The following TEX52 variants were observed in gnomAD, a reference collection of about 807,000 sequenced individuals.
TEX52 encodes the protein testis-expressed protein 52.
A neutral mutation model predicts 17.6 loss-of-function variants in TEX52; 22 were observed. That is an observed-to-expected ratio of 1.25 (90% CI 0.89 to 1.78). TEX52 has a LOEUF of 1.78. Among genes scored for constraint, TEX52 ranks in the 40% most tolerant of loss-of-function variants. The pLI, the probability that TEX52 is intolerant of heterozygous loss-of-function variation, is 0.00. For synonymous variants in TEX52, 168 were observed against 147.4 expected (o/e 1.14, Z -1.01); for missense variants, 396 against 372.3 (o/e 1.06, Z -0.52).
At chr12:2,850,253 A>G (rs1249171798) in intron 2 of TEX52, among the ~76,000 whole-genome samples, 1 of 152,052 alleles carries the variant, frequency 6.6e-6, no homozygotes, top group African/African-American at 2.4e-5. Flanking sequence ...AGGCGGGTGG[A>G]TCACAAGGTC....
In TEX52 at chr12:2,849,315, A is replaced by G; in HGVS notation, c.834T>C (p.Thr278=). The G allele has an allele frequency of 5.2e-6, 8 of 1,536,116 alleles. No individual in the cohort carries two copies. The highest frequency in any genetic ancestry group is 7.0e-6 in the Non-Finnish European group (8 of 1,146,912). Residue 278 remains threonine, a synonymous_variant, in exon 3 of 3, where the codon ACT becomes ACC. Coordinates refer to ENST00000637658, the MANE Select transcript of TEX52 (RefSeq NM_001365174.2). ...TGGAGAGATGGTGGAGGGGTAAGGC[A>G]GTTCTGTCCTTTATCAGGGTTTGGA... The part of the protein sequence containing the change: ...RDFQTLIKDR[T]ALPLHHLSKA...
At chr12:2,852,086 G>A (rs530220856) in intron 2 of TEX52, among the ~76,000 whole-genome samples, 8 of 152,110 alleles carry the variant, frequency 5.3e-5, no homozygotes, top group Admixed American at 6.6e-5. Context: ...TTATGGGACC[G>A]CTGTGGTATA....
Position 2,849,535 on chromosome 12 carries a change from G to A in TEX52, c.624-10C>T. The A allele has an allele frequency of 6.5e-7, 1 of 1,536,010 alleles. No individual in the cohort carries two copies. The highest frequency in any genetic ancestry group is 8.7e-7 in the Non-Finnish European group (1 of 1,146,832). On this transcript the variant is annotated splice_polypyrimidine_tract_variant and intron_variant, in intron 2 of 2. Coordinates refer to ENST00000637658, the MANE Select transcript of TEX52 (RefSeq NM_001365174.2). ...GGATATGTGCCGGTACCTGTTGGGA[G>A]AAGGGTATGGAGAGAACAGAGAGAT...
intron 2 of TEX52, among the ~76,000 whole-genome samples, chr12:2,851,112 G>A (rs1328815651): frequency 2.0e-5 from 3 of 150,066 alleles, no homozygotes; most frequent in South Asian, 4.2e-4. Flanking sequence ...GAGCAGTGCC[G>A]AGATCATACC....
chr12:2,853,420 CTG>C (rs2098077260), intron 2 of TEX52, among the ~76,000 whole-genome samples: 2 of 152,012 alleles, frequency 1.3e-5, no homozygotes, highest in Non-Finnish European at 2.9e-5. Flanking sequence ...TTACAGGCGC[CTG>C]CCACCACGCC....
At chr12:2,856,411 C>T (rs1200430759) in intron 1 of TEX52, among the ~76,000 whole-genome samples, 1 of 152,200 alleles carries the variant, frequency 6.6e-6, no homozygotes, top group African/African-American at 2.4e-5. Context: ...GTTACCCAGG[C>T]TGGAGGTGCA....
chr12:2,854,481 C>T (rs2098081021), intron 2 of TEX52, among the ~76,000 whole-genome samples: 1 of 152,232 alleles, frequency 6.6e-6, no homozygotes, highest in Non-Finnish European at 1.5e-5. Context: ...TGGAACTGTA[C>T]TCCAGGCCTT....
At chr12:2,850,360 G>C (rs2098066053) in intron 2 of TEX52, among the ~76,000 whole-genome samples, 1 of 151,576 alleles carries the variant, frequency 6.6e-6, no homozygotes, top group African/African-American at 2.4e-5. Flanking sequence ...TGTAGTCCCA[G>C]CTACTCGGGA....
chr12:2,853,608 T>G (rs1307981900), intron 2 of TEX52, among the ~76,000 whole-genome samples: 2 of 143,400 alleles, frequency 1.4e-5, no homozygotes, highest in African/African-American at 5.3e-5. Context: ...TTTGTTTTTG[T>G]TTTTGTTTTT....
intron 2 of TEX52, among the ~76,000 whole-genome samples, chr12:2,851,639 G>A (rs1212583979): frequency 2.6e-5 from 4 of 151,926 alleles, no homozygotes; most frequent in Non-Finnish European, 5.9e-5. Flanking sequence ...CACCACGCCC[G>A]GCCGCTAAAT....
chr12:2,855,278 G>A lies in TEX52; in HGVS notation c.241C>T (p.Leu81Phe), dbSNP rs1354630611. 49 of 1,517,862 alleles carry A rather than the reference G, an allele frequency of 3.2e-5. No individual in the cohort carries two copies. The highest frequency in any genetic ancestry group is 4.2e-5 in the Non-Finnish European group (48 of 1,133,370). The allele number at this position is 1,517,862 out of a possible 1,614,324, so 94.0% of individuals were successfully genotyped here. ...TDMKSKVRQR[L>F]IHPWKGGAQH... is the part of the protein sequence containing the mutation. ...GCGCCACCCTTCCAAGGGTGGATGAGCCGCTGACGCACCTTGGACTTCATA... is the reference window on the plus strand; with the variant it reads ...GCGCCACCCTTCCAAGGGTGGATGAACCGCTGACGCACCTTGGACTTCATA... Residue 81 changes from leucine (L) to phenylalanine (F), a missense_variant, in exon 2 of 3, where the codon CTC becomes TTC. Transcript: ENST00000637658.
chr12:2,851,451 T>G (rs540314211), intron 2 of TEX52, among the ~76,000 whole-genome samples: 76 of 152,208 alleles, frequency 5.0e-4, no homozygotes, highest in African/African-American at 1.7e-3. Context: ...CAAGCGATTC[T>G]CCTGCCTCAG....
Position 2,855,031 on chromosome 12 carries a change from ATGT to A in TEX52, c.485_487del (p.Asp162_Met163delinsVal). The A allele has an allele frequency of 1.3e-6, 2 of 1,535,998 alleles. No homozygotes were observed. The highest frequency in any genetic ancestry group is 3.9e-5 in the Admixed American group (2 of 51,002). On this transcript the variant is annotated inframe_deletion, in exon 2 of 3. Transcript: ENST00000637658. ...GAAAATCACCTGCTTCTTCCTTTTC[ATGT>A]CCACAAACGTGGGATAACAGTGGAT... is the stretch of plus-strand genomic sequence containing the variant.
Position 2,849,051 on chromosome 12 carries a change from G to C in TEX52, c.*180C>G, listed in dbSNP as rs2098061566. On this transcript the variant is annotated 3_prime_UTR_variant, in exon 3 of 3. Coordinates refer to ENST00000637658, the MANE Select transcript of TEX52 (RefSeq NM_001365174.2). ...AGAAATATAACAATTTAGAATTTCA[G>C]TTGAATCTCCAATAGCCTGGGGTAC... 1 of 635,350 alleles carries C rather than the reference G, an allele frequency of 1.6e-6. No individual in the cohort carries two copies. Among genetic ancestry groups the C allele is most frequent in the African/African-American group, 1.8e-5 (1 of 54,110 alleles). 39.4% of individuals were successfully genotyped at this position (635,350 alleles called of 1,614,324 possible). A position where few individuals can be genotyped will look rare whatever the true frequency, so the allele number is the denominator to read the frequency against.
chr12:2,857,030 T>G lies in TEX52; in HGVS notation c.-4A>C. 1.4e-6 allele frequency: 1 copy of G among 702,956 alleles called. No homozygotes were observed. Among genetic ancestry groups the G allele is most frequent in the Non-Finnish European group, 2.6e-6 (1 of 384,960 alleles). The allele number at this position is 702,956 out of a possible 1,614,324, so 43.5% of individuals were successfully genotyped here. A position where few individuals can be genotyped will look rare whatever the true frequency, so the allele number is the denominator to read the frequency against. On this transcript the variant is annotated 5_prime_UTR_variant, in exon 1 of 3. Transcript: ENST00000637658. ...ATCTTTGCCGGTTACTGGCCATTCTTCTGGGCCTCAGAGCCAGGAGGGGCG... is the reference window on the plus strand; with the variant it reads ...ATCTTTGCCGGTTACTGGCCATTCTGCTGGGCCTCAGAGCCAGGAGGGGCG...
At chr12:2,850,466 A>G in intron 2 of TEX52, among the ~76,000 whole-genome samples, 1 of 120,048 alleles carries the variant, frequency 8.3e-6, no homozygotes, top group East Asian at 2.4e-4. Context: ...CAAGAGCAAG[A>G]CTCTGTCTCA....
At chr12:2,853,610 T>G (rs2098078263) in intron 2 of TEX52, among the ~76,000 whole-genome samples, 2 of 146,018 alleles carry the variant, frequency 1.4e-5, no homozygotes, top group Non-Finnish European at 1.5e-5. Context: ...TGTTTTTGTT[T>G]TTGTTTTTTT....
intron 1 of TEX52, among the ~76,000 whole-genome samples, chr12:2,856,361 C>G (rs1451004554): frequency 6.6e-6 from 1 of 152,108 alleles, no homozygotes; most frequent in Non-Finnish European, 1.5e-5. Flanking sequence ...CCTATCCATC[C>G]CCAGGGATGT....
At position 2,849,453 on chromosome 12, in the gene TEX52, A is replaced by G. The variant is rs2098063145; in HGVS notation, c.696T>C (p.Asn232=). The G allele has an allele frequency of 6.5e-7, 1 of 1,536,124 alleles. No homozygotes were observed. Among genetic ancestry groups the G allele is most frequent in the East Asian group, 2.4e-5 (1 of 40,912 alleles). The change falls in exon 3 of 3, where the codon AAT becomes AAC. Residue 232 remains asparagine, a synonymous_variant. Coordinates refer to ENST00000637658, the MANE Select transcript of TEX52 (RefSeq NM_001365174.2). Reference sequence around the variant, plus strand: ...GGCAGGGCCAGCTCCTGGCGAAATTATTGGGAAACGGGTTGGGCATGAGCT... The same window carrying G: ...GGCAGGGCCAGCTCCTGGCGAAATTGTTGGGAAACGGGTTGGGCATGAGCT... ...GLQLMPNPFP[N]NFARSWPCPN... is the part of the protein sequence containing the mutation.
Sources: gnomAD v4.1 joint callset for allele counts (sites outside exome capture counted in the v4.1 genomes callset) on GRCh38, gnomAD v4.1.1 for gene constraint, MANE v1.5 for transcripts, NCBI Gene and HGNC (gene_info 2026-07-23, HGNC 2026-07-21) for gene names.